The following IFT56 variants were observed in gnomAD, a reference collection of about 807,000 sequenced individuals.
The protein encoded by IFT56 is intraflagellar transport 56, also known as intraflagellar transport protein 56.
chr7:139,165,110 A>G, the IFT56 span: 1 of 1,584,840 alleles, frequency 6.3e-7, no homozygotes, highest in East Asian at 2.2e-5. Flanking sequence ...TTGCCATAAT[A>G]GCATGATTTC....
chr7:139,155,402 G>T, the IFT56 span, among the ~76,000 whole-genome samples: 1 of 152,170 alleles, frequency 6.6e-6, no homozygotes, highest in African/African-American at 2.4e-5. Context: ...TAGGTGGAAA[G>T]CATCCAGTAT....
the IFT56 span, chr7:139,187,689 C>T: frequency 9.9e-7 from 1 of 1,011,762 alleles, no homozygotes. Flanking sequence ...ATATTTCTGT[C>T]TGACCATTTT....
At chr7:139,151,464 G>A in the IFT56 span, among the ~76,000 whole-genome samples, 52 of 152,284 alleles carry the variant, frequency 3.4e-4, 1 homozygote, top group South Asian at 5.0e-3. Context: ...GGCCTCTAGG[G>A]TAGTGATTAT....
the IFT56 span, among the ~76,000 whole-genome samples, chr7:139,163,745 T>G: frequency 7.2e-5 from 11 of 152,174 alleles, no homozygotes; most frequent in African/African-American, 2.7e-4. Flanking sequence ...GTACAATAAT[T>G]AATGGAGAAA....
chr7:139,140,169 T>C, the IFT56 span, among the ~76,000 whole-genome samples: 5 of 151,168 alleles, frequency 3.3e-5, no homozygotes, highest in African/African-American at 1.2e-4. Flanking sequence ...TGAGTAACTA[T>C]GTTTAAAGAG....
chr7:139,176,857 C>T, the IFT56 span, among the ~76,000 whole-genome samples: 1 of 152,044 alleles, frequency 6.6e-6, no homozygotes, highest in Non-Finnish European at 1.5e-5. Context: ...GAACTTAAGT[C>T]TAGTAGGGCA....
chr7:139,137,134 GA>G, the IFT56 span, among the ~76,000 whole-genome samples: 13 of 149,826 alleles, frequency 8.7e-5, no homozygotes, highest in African/African-American at 3.2e-4. Context: ...CCTGTAGAGT[GA>G]AAAAAAAAAT....
the IFT56 span, chr7:139,172,651 AT>A: frequency 3.3e-6 from 2 of 610,966 alleles, no homozygotes; most frequent in East Asian, 4.3e-5. Flanking sequence ...AAGCCTTCAG[AT>A]TTTTCTCAGA....
chr7:139,153,440 C>T, the IFT56 span, among the ~76,000 whole-genome samples: 1 of 139,542 alleles, frequency 7.2e-6, no homozygotes, highest in South Asian at 2.3e-4. Context: ...GACCGATACT[C>T]CGTCTCAAAA....
chr7:139,157,555 G>A, the IFT56 span, among the ~76,000 whole-genome samples: 3 of 144,438 alleles, frequency 2.1e-5, no homozygotes, highest in Non-Finnish European at 4.5e-5. Context: ...CCTAGATGGA[G>A]TGCAGTGGCT....
the IFT56 span, chr7:139,134,628 A>G: frequency 6.3e-7 from 1 of 1,593,560 alleles, no homozygotes; most frequent in Non-Finnish European, 8.5e-7. Context: ...GAATTGGACC[A>G]TACAGCTGTC....
At chr7:139,187,603 T>G in the IFT56 span, 1 of 1,566,350 alleles carries the variant, frequency 6.4e-7, no homozygotes, top group Non-Finnish European at 8.7e-7. Flanking sequence ...AAAATACTTG[T>G]TCTCTTGGAT....
the IFT56 span, among the ~76,000 whole-genome samples, chr7:139,141,536 G>A: frequency 6.6e-6 from 1 of 152,150 alleles, no homozygotes; most frequent in Non-Finnish European, 1.5e-5. Flanking sequence ...CATATTTGTA[G>A]GCTTTATCTG....
chr7:139,183,455 T>C, the IFT56 span, among the ~76,000 whole-genome samples: 1 of 152,198 alleles, frequency 6.6e-6, no homozygotes, highest in East Asian at 1.9e-4. Context: ...CAAGTCTTTA[T>C]CAAGCATATG....
the IFT56 span, chr7:139,137,880 A>G: frequency 1.2e-6 from 2 of 1,613,598 alleles, no homozygotes; most frequent in East Asian, 2.2e-5. Flanking sequence ...AGAAGAGGAT[A>G]CTAATTTGTG....
chr7:139,169,446 AT>A, the IFT56 span: 1 of 1,122,364 alleles, frequency 8.9e-7, no homozygotes, highest in Non-Finnish European at 1.3e-6. Context: ...GGATGTATCT[AT>A]TAGGCTTCAC....
chr7:139,183,680 A>G, the IFT56 span, among the ~76,000 whole-genome samples: 5,760 of 152,100 alleles, frequency 0.038, 166 homozygotes, highest in South Asian at 0.12. Flanking sequence ...AAGGATAAAA[A>G]AAAAAAACCA....
At chr7:139,189,437 G>A in the IFT56 span, 40 of 1,591,358 alleles carry the variant, frequency 2.5e-5, no homozygotes, top group Non-Finnish European at 3.4e-5. Flanking sequence ...ATCTAAAATA[G>A]CGCCAGCGTC....
chr7:139,160,639 C>G, the IFT56 span, among the ~76,000 whole-genome samples: 3 of 152,064 alleles, frequency 2.0e-5, no homozygotes. Context: ...ACCACGTTGA[C>G]CAGAGGAAAC....
Sources: gnomAD v4.1 joint callset for allele counts (sites outside exome capture counted in the v4.1 genomes callset) on GRCh38, gnomAD v4.1.1 for gene constraint, MANE v1.5 for transcripts, NCBI Gene and HGNC (gene_info 2026-07-23, HGNC 2026-07-21) for gene names.